Variants in ACBD3 observed in about 807,000 individuals in gnomAD.
The protein encoded by ACBD3 is acyl-CoA binding domain containing 3, also known as Golgi resident protein GCP60.
A neutral mutation model predicts 66.9 loss-of-function variants in ACBD3; 30 were observed. The ratio of observed to expected loss-of-function variants is 0.45; its 90% CI spans 0.34 to 0.61. The LOEUF is 0.61. Ranked by LOEUF, ACBD3 falls within the 20% of genes least tolerant of loss-of-function variation. ACBD3 has a pLI of 0.02. For synonymous variants in ACBD3, 278 were observed against 259.8 expected (o/e 1.07, Z -0.68); for missense variants, 544 against 664.5 (o/e 0.82, Z 1.99).
intron 1 of ACBD3, among the ~76,000 whole-genome samples, chr1:226,178,468 G>A (rs1018024263): frequency 1.1e-4 from 16 of 150,954 alleles, no homozygotes; most frequent in African/African-American, 3.4e-4. Context: ...CCAGCTACTC[G>A]GGAGGCTGAG....
intron 7 of ACBD3, chr1:226,148,160 T>C (rs892661449): frequency 6.6e-6 from 1 of 152,184 alleles, no homozygotes; most frequent in Non-Finnish European, 1.5e-5. Flanking sequence ...CTTGGAACAT[T>C]AGGTAAAAAC....
At chr1:226,180,042 G>A (rs1399970461) in intron 1 of ACBD3, among the ~76,000 whole-genome samples, 3 of 149,576 alleles carry the variant, frequency 2.0e-5, no homozygotes, top group Admixed American at 6.7e-5. Context: ...GGGGTGGCAC[G>A]TGCCTGTAGT....
At position 226,144,991 on chromosome 1, in the gene ACBD3, T is replaced by TA. The variant is rs35794165; in HGVS notation, c.*1618dup. 23,792 of 149,970 alleles carry TA rather than the reference T, an allele frequency of 0.16. 1,926 individuals are homozygous for TA. Among genetic ancestry groups the TA allele is most frequent in the East Asian group, 0.22 (1,146 of 5,134 alleles). 9.3% of individuals were successfully genotyped at this position (149,970 alleles called of 1,614,324 possible). On this transcript the variant is annotated 3_prime_UTR_variant, in exon 8 of 8. Coordinates refer to ENST00000366812, the MANE Select transcript of ACBD3 (RefSeq NM_022735.4). ...CATTTTAAATACAGTATTTTTCTCA[T>TA]AAAAAAAAAATCCAGGAAGTGCCTA...
intron 1 of ACBD3, among the ~76,000 whole-genome samples, chr1:226,176,033 C>T (rs978217469): frequency 1.3e-5 from 2 of 152,038 alleles, no homozygotes; most frequent in African/African-American, 4.8e-5. Context: ...CTCATGTGGG[C>T]CCAATGTAAT....
intron 6 of ACBD3, among the ~76,000 whole-genome samples, chr1:226,154,087 A>G (rs1470071501): frequency 1.3e-5 from 2 of 152,218 alleles, no homozygotes; most frequent in African/African-American, 2.4e-5. Context: ...CTTGACTGCA[A>G]TCTCATGAGG....
chr1:226,169,743 C>T (rs866654970), intron 1 of ACBD3, among the ~76,000 whole-genome samples: 8 of 150,080 alleles, frequency 5.3e-5, no homozygotes, highest in African/African-American at 2.0e-4. Flanking sequence ...ATTAAGCAGC[C>T]GGGCACAGTG....
intron 1 of ACBD3, among the ~76,000 whole-genome samples, chr1:226,184,138 C>T (rs1385380546): frequency 6.6e-6 from 1 of 152,046 alleles, no homozygotes; most frequent in Non-Finnish European, 1.5e-5. Context: ...TTGCAGTGAG[C>T]CCCGAGATGG....
At chr1:226,155,545 A>C (rs888492085) in intron 5 of ACBD3, among the ~76,000 whole-genome samples, 2 of 152,206 alleles carry the variant, frequency 1.3e-5, no homozygotes, top group Non-Finnish European at 2.9e-5. Context: ...AATACACAAA[A>C]TTTGAATTAG....
rs1171847351 is a variant in ACBD3, at chr1:226,154,646, C to T, written c.1090+1G>A. 2 of 1,607,718 alleles carry T rather than the reference C, an allele frequency of 1.2e-6. No homozygotes were observed. The highest frequency in any genetic ancestry group is 1.1e-5 in the South Asian group (1 of 90,042). On this transcript the variant is annotated splice_donor_variant, in intron 6 of 7. Transcript: ENST00000366812. LOFTEE classifies it high-confidence loss of function. ...TGGACAAACACATATGCAAAACCTA[C>T]CTTTTGGTCCATTCTCCAGGGCTTC...
rs570131958 is a variant in ACBD3 at position 226,145,474 on chromosome 1, G to A, written c.*1136C>T. ...TAGCCAATCACTTATACAAATTTGA[G>A]GCAATTAATCCATATTTGTTTTCAG... On this transcript the variant is annotated 3_prime_UTR_variant, in exon 8 of 8. Coordinates refer to ENST00000366812, the MANE Select transcript of ACBD3 (RefSeq NM_022735.4). 6 of 152,492 alleles carry A rather than the reference G, an allele frequency of 3.9e-5. No homozygotes were observed. Among genetic ancestry groups the A allele is most frequent in the Admixed American group, 1.3e-4 (2 of 15,286 alleles). The allele number at this position is 152,492 out of a possible 1,614,324, so 9.4% of individuals were successfully genotyped here.
chr1:226,172,228 G>A (rs1655839650), intron 1 of ACBD3, among the ~76,000 whole-genome samples: 1 of 149,820 alleles, frequency 6.7e-6, no homozygotes. Context: ...TGACCTCTGT[G>A]AACTTCAGTG....
At chr1:226,182,164 T>C (rs952827686) in intron 1 of ACBD3, among the ~76,000 whole-genome samples, 1 of 151,322 alleles carries the variant, frequency 6.6e-6, no homozygotes, top group Non-Finnish European at 1.5e-5. Context: ...CTGGGAGGCA[T>C]AGGGGGCAGT....
chr1:226,169,304 G>A (rs530440635), intron 1 of ACBD3, among the ~76,000 whole-genome samples: 7 of 151,884 alleles, frequency 4.6e-5, no homozygotes, highest in Admixed American at 3.9e-4. Context: ...CTGGAGTGCC[G>A]TGGTGCGATC....
intron 7 of ACBD3, among the ~76,000 whole-genome samples, chr1:226,149,419 G>T (rs747531149): frequency 5.3e-5 from 8 of 150,404 alleles, no homozygotes; most frequent in Non-Finnish European, 1.0e-4. Flanking sequence ...TAGAGATGGG[G>T]TTTCACCATG....
chr1:226,149,367 C>T (rs555933498), intron 7 of ACBD3, among the ~76,000 whole-genome samples: 2 of 151,478 alleles, frequency 1.3e-5, no homozygotes, highest in Non-Finnish European at 2.9e-5. Context: ...GCTGGGATTA[C>T]AGGCATGTGC....
At chr1:226,180,041 C>T (rs578249276) in intron 1 of ACBD3, among the ~76,000 whole-genome samples, 5 of 151,546 alleles carry the variant, frequency 3.3e-5, no homozygotes, top group African/African-American at 9.7e-5. Flanking sequence ...TGGGGTGGCA[C>T]GTGCCTGTAG....
At chr1:226,165,104 C>T (rs555520406) in intron 2 of ACBD3, among the ~76,000 whole-genome samples, 175 bp from the exon 3 acceptor site, 38 of 152,186 alleles carry the variant, frequency 2.5e-4, no homozygotes, top group Non-Finnish European at 4.6e-4. Flanking sequence ...AAATTAGATA[C>T]GCCACATACA....
chr1:226,153,509 G>A (rs189071762), intron 6 of ACBD3, among the ~76,000 whole-genome samples: 1 of 152,206 alleles, frequency 6.6e-6, no homozygotes, highest in African/African-American at 2.4e-5. Flanking sequence ...GCCTCTGGTG[G>A]CCTCTCTGAC....
intron 1 of ACBD3, among the ~76,000 whole-genome samples, chr1:226,170,272 C>T (rs1397255854): frequency 6.7e-6 from 1 of 150,198 alleles, no homozygotes; most frequent in Non-Finnish European, 1.5e-5. Flanking sequence ...ATTCTCCTGC[C>T]TCAGCCTCCC....
Sources: allele counts gnomAD v4.1 joint callset (sites outside exome capture counted in the v4.1 genomes callset), GRCh38; gene constraint gnomAD v4.1.1; transcripts MANE v1.5; gene names NCBI Gene and HGNC (gene_info 2026-07-23, HGNC 2026-07-21).